WWOX: variants seen among roughly 807,000 people sequenced by gnomAD.
WWOX encodes WW domain containing oxidoreductase.
A neutral mutation model predicts 46.2 loss-of-function variants in WWOX; 69 were observed. The ratio of observed to expected loss-of-function variants is 1.49; its 90% CI spans 1.23 to 1.82. The LOEUF is 1.82. WWOX is among the 40% of genes most tolerant of loss of function. The pLI is 0.00. For synonymous variants in WWOX, 359 were observed against 202.6 expected, an observed-to-expected ratio of 1.77 and a Z score of -6.56; for missense variants, 919 against 542.6, an observed-to-expected ratio of 1.69 and a Z score of -6.89.
At chr16:78,407,680 C>G (rs560247301) in intron 6 of WWOX, among the ~76,000 whole-genome samples, 3 of 152,168 alleles carry the variant, frequency 2.0e-5, no homozygotes, top group East Asian at 3.9e-4. Flanking sequence ...TCTTGATCAA[C>G]TAGAACCACA....
At chr16:78,531,946 C>T (rs1367183724) in intron 8 of WWOX, among the ~76,000 whole-genome samples, 3 of 152,108 alleles carry the variant, frequency 2.0e-5, no homozygotes, top group Admixed American at 6.6e-5. Context: ...TTCCCACCTT[C>T]CCAAAAGGGT....
chr16:79,110,507 C>T (rs2049396948), intron 8 of WWOX, among the ~76,000 whole-genome samples: 1 of 152,162 alleles, frequency 6.6e-6, no homozygotes, highest in African/African-American at 2.4e-5. Context: ...ATATCTGACC[C>T]AATTCTGACT....
chr16:78,309,629 T>G (rs774988189), intron 5 of WWOX, among the ~76,000 whole-genome samples: 3 of 152,186 alleles, frequency 2.0e-5, no homozygotes, highest in Non-Finnish European at 4.4e-5. Flanking sequence ...CAGGACCCCT[T>G]GAGACTGTCT....
At chr16:79,192,588 AG>A (rs1352020423) in intron 8 of WWOX, among the ~76,000 whole-genome samples, 2 of 152,242 alleles carry the variant, frequency 1.3e-5, no homozygotes, top group African/African-American at 4.8e-5. Context: ...ATTTCTCTTA[AG>A]GTGCCTAGGT....
chr16:78,528,759 A>T (rs1871101672), intron 8 of WWOX, among the ~76,000 whole-genome samples: 1 of 152,092 alleles, frequency 6.6e-6, no homozygotes, highest in African/African-American at 2.4e-5. Flanking sequence ...GGGTTTGAGG[A>T]AAATGAAAAG....
intron 8 of WWOX, among the ~76,000 whole-genome samples, chr16:78,461,251 G>T (rs905441394): frequency 3.3e-5 from 5 of 152,074 alleles, no homozygotes; most frequent in Non-Finnish European, 7.3e-5. Flanking sequence ...CTTCTCCTGG[G>T]CATCCTGTAT....
At chr16:78,321,301 TAC>T (rs746910463) in intron 5 of WWOX, among the ~76,000 whole-genome samples, 3,596 of 88,834 alleles carry the variant, frequency 0.04, 192 homozygotes, top group Non-Finnish European at 0.069. Context: ...CGTATATATA[TAC>T]GTATATATAT....
At chr16:78,783,620 C>T (rs1193646113) in intron 8 of WWOX, among the ~76,000 whole-genome samples, 1 of 152,150 alleles carries the variant, frequency 6.6e-6, no homozygotes, top group African/African-American at 2.4e-5. Context: ...TTGTGTGGTA[C>T]AAAGGATGTG....
intron 8 of WWOX, among the ~76,000 whole-genome samples, chr16:79,156,576 T>A (rs968542086): frequency 6.6e-6 from 1 of 152,158 alleles, no homozygotes; most frequent in Non-Finnish European, 1.5e-5. Context: ...AGATTAGTAG[T>A]CAGAGTTAAA....
chr16:78,379,725 G>T (rs1217445473), intron 5 of WWOX, among the ~76,000 whole-genome samples: 1 of 152,158 alleles, frequency 6.6e-6, no homozygotes, highest in Admixed American at 6.5e-5. Flanking sequence ...CGAACTCACT[G>T]ATACCCTCCC....
At chr16:78,779,719 T>C (rs1481199388) in intron 8 of WWOX, among the ~76,000 whole-genome samples, 1 of 152,174 alleles carries the variant, frequency 6.6e-6, no homozygotes, top group African/African-American at 2.4e-5. Flanking sequence ...CAGAAGCTTG[T>C]TCTCCTAACC....
In WWOX at chr16:79,135,315, A is replaced by G. The variant is rs561130461; in HGVS notation, c.1057-76293A>G. Among the ~76,000 whole-genome samples, 5 of 152,274 alleles carry G rather than the reference A, an allele frequency of 3.3e-5. No homozygotes were observed. The South Asian group carries it at 8.3e-4, about 25-fold the overall frequency. ...TGTCTTGATTTATATACATTGTTCT[A>G]TACCTTTCCTTTTCCCATAATTTTA... On this transcript the variant is annotated intron_variant, in intron 8 of 8. Transcript: ENST00000566780.
intron 8 of WWOX, among the ~76,000 whole-genome samples, chr16:78,672,467 C>T (rs1415325466): frequency 2.0e-5 from 3 of 152,236 alleles, no homozygotes; most frequent in East Asian, 3.9e-4. Context: ...CCTCATGTTC[C>T]GGTTTCTGTG....
rs754956399 is a variant in WWOX, at chr16:78,621,493, A to G, written c.1056+188741A>G. On this transcript the variant is annotated intron_variant, in intron 8 of 8. Transcript: ENST00000566780. ...CATCTCTCCCTCTACTTAGATACAC[A>G]TTTCCATTTTACTTCTATTTGGTAG... Among the ~76,000 whole-genome samples the G allele has an allele frequency of 4.1e-5, 6 of 146,298 alleles. No homozygotes were observed. The East Asian group carries it at 1.2e-3, about 29-fold the overall frequency.
chr16:78,560,073 T>G (rs1467449634), intron 8 of WWOX, among the ~76,000 whole-genome samples: 1 of 152,236 alleles, frequency 6.6e-6, no homozygotes, highest in African/African-American at 2.4e-5. Context: ...AGGAGAAATT[T>G]ACAAGGCCAT....
intron 8 of WWOX, among the ~76,000 whole-genome samples, chr16:78,988,445 C>T (rs1370752802): frequency 6.6e-6 from 1 of 151,736 alleles, no homozygotes; most frequent in East Asian, 1.9e-4. Context: ...GGAGCAGATA[C>T]TGGAGACAGT....
chr16:79,106,296 C>T (rs1277514191), intron 8 of WWOX, among the ~76,000 whole-genome samples: 1 of 152,144 alleles, frequency 6.6e-6, no homozygotes, highest in Non-Finnish European at 1.5e-5. Flanking sequence ...AATTTTTGAC[C>T]TGAGACCTCA....
chr16:78,668,335 T>C (rs2047380697), intron 8 of WWOX, among the ~76,000 whole-genome samples: 1 of 152,160 alleles, frequency 6.6e-6, no homozygotes. Flanking sequence ...CGCCTGTCTT[T>C]TCTCCTGTTC....
chr16:78,257,208 A>G (rs774876180), intron 5 of WWOX, among the ~76,000 whole-genome samples: 2 of 152,090 alleles, frequency 1.3e-5, no homozygotes, highest in South Asian at 4.1e-4. Flanking sequence ...CTAATCTTCT[A>G]GTAAACATTT....
Sources: allele counts gnomAD v4.1 joint callset (sites outside exome capture counted in the v4.1 genomes callset), GRCh38; gene constraint gnomAD v4.1.1; transcripts MANE v1.5; gene names NCBI Gene and HGNC (gene_info 2026-07-23, HGNC 2026-07-21).